The following SRPK2 variants were observed in gnomAD, a reference collection of about 807,000 sequenced individuals.
SRPK2 encodes SFRS protein kinase 2.
Under a neutral mutation model 90.8 loss-of-function variants are expected in SRPK2, and 21 were observed. That is an observed-to-expected ratio of 0.23 (90% CI 0.16 to 0.33). The LOEUF is 0.33. Ranked by LOEUF, SRPK2 falls within the 10% of genes least tolerant of loss-of-function variation. The pLI is 1.00. For synonymous variants in SRPK2, 288 were observed against 311.1 expected (o/e 0.93, Z 0.78); for missense variants, 620 against 869.0 (o/e 0.71, Z 3.60).
At chr7:105,395,798 A>G (rs191257230) in intron 1 of SRPK2, among the ~76,000 whole-genome samples, 34 of 152,324 alleles carry the variant, frequency 2.2e-4, no homozygotes, top group South Asian at 8.3e-4. Context: ...ATTAGAAGAA[A>G]ACTATCTTTG....
At chr7:105,322,714 G>A (rs1813076249) in intron 2 of SRPK2, among the ~76,000 whole-genome samples, 1 of 151,110 alleles carries the variant, frequency 6.6e-6, no homozygotes, top group African/African-American at 2.4e-5. Flanking sequence ...CTTGTAAAAT[G>A]GTGAATTTCA....
chr7:105,133,937 A>C (rs1802406776), intron 11 of SRPK2, among the ~76,000 whole-genome samples: 1 of 152,186 alleles, frequency 6.6e-6, no homozygotes, highest in South Asian at 2.1e-4. Flanking sequence ...TGTATCAAGC[A>C]GAGTTAACCA....
chr7:105,191,816 T>C (rs1435193297), intron 3 of SRPK2, among the ~76,000 whole-genome samples: 1 of 151,684 alleles, frequency 6.6e-6, no homozygotes, highest in Non-Finnish European at 1.5e-5. Flanking sequence ...TCCTTAAATA[T>C]AGCACTTCCC....
At chr7:105,293,339 A>G (rs2131080359) in intron 2 of SRPK2, among the ~76,000 whole-genome samples, 1 of 152,274 alleles carries the variant, frequency 6.6e-6, no homozygotes, top group Admixed American at 6.5e-5. Context: ...TTACAACACT[A>G]ACTGTTGCTT....
intron 2 of SRPK2, among the ~76,000 whole-genome samples, chr7:105,254,691 A>G (rs896683148): frequency 9.3e-5 from 14 of 150,452 alleles, no homozygotes; most frequent in African/African-American, 1.7e-4. Flanking sequence ...TGTTGTTGTT[A>G]TTGTTGTTGT....
chr7:105,383,363 G>A (rs946810913), intron 2 of SRPK2, among the ~76,000 whole-genome samples: 18 of 149,814 alleles, frequency 1.2e-4, no homozygotes, highest in African/African-American at 3.7e-4. Context: ...CACCGCACCC[G>A]GCCTCAAAAT....
chr7:105,315,840 G>C (rs551155404), intron 2 of SRPK2, among the ~76,000 whole-genome samples: 23 of 152,150 alleles, frequency 1.5e-4, no homozygotes, highest in Admixed American at 9.8e-4. Flanking sequence ...CTAATATAAT[G>C]CATAATAAAT....
At chr7:105,233,874 A>T (rs1339439415) in intron 2 of SRPK2, among the ~76,000 whole-genome samples, 1 of 152,130 alleles carries the variant, frequency 6.6e-6, no homozygotes, top group Non-Finnish European at 1.5e-5. Flanking sequence ...AAATGAAAAT[A>T]AAAATAAAAT....
At chr7:105,157,665 T>C (rs1296406833) in intron 7 of SRPK2, among the ~76,000 whole-genome samples, 3 of 152,184 alleles carry the variant, frequency 2.0e-5, no homozygotes, top group African/African-American at 7.2e-5. Flanking sequence ...AAGAACAAAG[T>C]GCAGACCACA....
At chr7:105,290,359 G>A (rs1458332621) in intron 2 of SRPK2, among the ~76,000 whole-genome samples, 1 of 152,018 alleles carries the variant, frequency 6.6e-6, no homozygotes, top group Non-Finnish European at 1.5e-5. Context: ...GCCAGGCATG[G>A]TGGCACACAC....
intron 2 of SRPK2, among the ~76,000 whole-genome samples, chr7:105,301,072 G>A (rs898989910): frequency 2.0e-5 from 3 of 152,190 alleles, no homozygotes; most frequent in Non-Finnish European, 4.4e-5. Context: ...GCACATGTAT[G>A]TTTATTGCGG....
At chr7:105,320,707 T>C (rs1812839691) in intron 2 of SRPK2, among the ~76,000 whole-genome samples, 1 of 152,234 alleles carries the variant, frequency 6.6e-6, no homozygotes, top group Admixed American at 6.5e-5. Flanking sequence ...TATACAGCTT[T>C]TCCTTTTTTT....
rs1293452504 is a variant in SRPK2 at position 105,143,186 on chromosome 7, C to A, written c.958G>T (p.Ala320Ser). The change falls in exon 10 of 16, where the codon GCT becomes TCT. Residue 320 changes from alanine (A) to serine (S), a missense_variant. Coordinates refer to ENST00000393651, the MANE Select transcript of SRPK2 (RefSeq NM_182692.3). ...CCATCCTGGTCATTGGAAGGTGCAG[C>A]TGAGGTGATGTTTTCTTCTATTATT... is the stretch of plus-strand genomic sequence containing the variant. ...RKIIEENITS[A>S]APSNDQDGEY... is the part of the protein sequence containing the mutation. The A allele has an allele frequency of 6.2e-7, 1 of 1,614,212 alleles. No homozygotes were observed. The highest frequency in any genetic ancestry group is 8.5e-7 in the Non-Finnish European group (1 of 1,180,030).
chr7:105,239,639 A>C (rs1184212970), intron 2 of SRPK2, among the ~76,000 whole-genome samples: 1 of 152,254 alleles, frequency 6.6e-6, no homozygotes, highest in Non-Finnish European at 1.5e-5. Context: ...GAGCAAAAAA[A>C]TGGAGCCATA....
At chr7:105,141,974 C>T (rs1327949789) in intron 11 of SRPK2, 34 bp downstream of exon 11, 18 of 1,575,108 alleles carry the variant, frequency 1.1e-5, no homozygotes, top group Middle Eastern at 1.7e-4. Flanking sequence ...CTGGAGTCAG[C>T]GATGGCAGAC....
At chr7:105,125,920 T>A in intron 15 of SRPK2, 1 of 1,025,154 alleles carries the variant, frequency 9.8e-7, no homozygotes, top group Non-Finnish European at 1.4e-6. Context: ...CACGACAGTT[T>A]AATCAGTACA....
At chr7:105,392,786 C>T (rs1293734062), upstream of SRPK2, among the ~76,000 whole-genome samples, 2 of 151,750 alleles carry the variant, frequency 1.3e-5, no homozygotes, top group Non-Finnish European at 2.9e-5. Context: ...GTGTGAACCA[C>T]TATACCCAGA....
intron 2 of SRPK2, among the ~76,000 whole-genome samples, chr7:105,281,341 C>T (rs145453631): frequency 6.6e-6 from 1 of 152,284 alleles, no homozygotes; most frequent in African/African-American, 2.4e-5. Context: ...AGTGATCTAT[C>T]CACCTCGGCC....
intron 2 of SRPK2, among the ~76,000 whole-genome samples, chr7:105,364,483 C>T (rs955905858): frequency 3.5e-4 from 52 of 150,098 alleles, no homozygotes; most frequent in African/African-American, 1.7e-4. Context: ...TCACTGCAAC[C>T]GCCACCTCCC....
Sources: allele counts gnomAD v4.1 joint callset (sites outside exome capture counted in the v4.1 genomes callset), GRCh38; gene constraint gnomAD v4.1.1; transcripts MANE v1.5; gene names NCBI Gene and HGNC (gene_info 2026-07-23, HGNC 2026-07-21).